The following LSAMP variants were observed in gnomAD, a reference collection of about 807,000 sequenced individuals.
The protein encoded by LSAMP is limbic system-associated membrane protein.
A neutral mutation model predicts 38.6 loss-of-function variants in LSAMP; 7 were observed. The ratio of observed to expected loss-of-function variants is 0.18; its 90% CI spans 0.10 to 0.34. The LOEUF is 0.34. Among genes scored for constraint, LSAMP ranks in the 10% least tolerant of loss-of-function variants. LSAMP has a pLI of 1.00. For synonymous variants in LSAMP, 154 were observed against 166.8 expected (o/e 0.92, Z 0.59); for missense variants, 313 against 420.0 (o/e 0.75, Z 2.23).
intron 3 of LSAMP, among the ~76,000 whole-genome samples, chr3:115,955,441 C>T (rs1006251436): frequency 1.3e-5 from 2 of 152,100 alleles, no homozygotes; most frequent in Non-Finnish European, 2.9e-5. Flanking sequence ...TGGTATTAGA[C>T]TTCATTCATT....
intron 1 of LSAMP, among the ~76,000 whole-genome samples, chr3:116,152,567 A>G (rs1709636802): frequency 6.6e-6 from 1 of 152,134 alleles, no homozygotes; most frequent in African/African-American, 2.4e-5. Context: ...TCCACTTAGG[A>G]CATTTATTGT....
At chr3:116,249,346 G>A (rs2046648278) in intron 1 of LSAMP, among the ~76,000 whole-genome samples, 1 of 151,382 alleles carries the variant, frequency 6.6e-6, no homozygotes, top group South Asian at 2.1e-4. Context: ...TATCCTGGAA[G>A]CTAGTAGTTC....
chr3:116,392,398 G>T (rs1233787526), intron 1 of LSAMP, among the ~76,000 whole-genome samples: 2 of 152,210 alleles, frequency 1.3e-5, no homozygotes, highest in African/African-American at 4.8e-5. Flanking sequence ...AAAGTCAGGG[G>T]CCAAGCCCAG....
intron 1 of LSAMP, among the ~76,000 whole-genome samples, chr3:116,396,857 C>A (rs1430822911): frequency 6.6e-6 from 1 of 152,190 alleles, no homozygotes; most frequent in Non-Finnish European, 1.5e-5. Flanking sequence ...GTTGCTCAGG[C>A]CAAAATACCT....
At chr3:116,417,228 T>C (rs1037928012) in intron 1 of LSAMP, among the ~76,000 whole-genome samples, 3 of 152,190 alleles carry the variant, frequency 2.0e-5, no homozygotes, top group Admixed American at 2.0e-4. Flanking sequence ...AAATCTGTCC[T>C]TACTACAGTG....
intron 1 of LSAMP, among the ~76,000 whole-genome samples, chr3:116,261,922 AT>A (rs1469693301): frequency 1.3e-5 from 2 of 150,204 alleles, no homozygotes; most frequent in African/African-American, 4.9e-5. Context: ...TTACATATAT[AT>A]ATCTGCATTC....
chr3:116,242,934 A>T (rs2046557620), intron 1 of LSAMP, among the ~76,000 whole-genome samples: 1 of 152,204 alleles, frequency 6.6e-6, no homozygotes, highest in Non-Finnish European at 1.5e-5. Flanking sequence ...TGAGTTAGTC[A>T]GGTCTCATCA....
intron 2 of LSAMP, among the ~76,000 whole-genome samples, chr3:116,078,277 C>CTTTATTTATTTATTTATTTATTTA (rs34346607): frequency 7.0e-4 from 105 of 150,176 alleles, no homozygotes; most frequent in Admixed American, 3.5e-3. Flanking sequence ...TTTATATCCT[C>CTTTATTTATTTATTTATTTATTTA]TTTATTTATT....
chr3:116,247,517 T>C (rs759478318), intron 1 of LSAMP, among the ~76,000 whole-genome samples: 29 of 152,218 alleles, frequency 1.9e-4, no homozygotes, highest in Non-Finnish European at 4.0e-4. Context: ...CTTACAAATA[T>C]GACATAGAAG....
At chr3:116,441,939 T>C (rs1481427548) in intron 1 of LSAMP, among the ~76,000 whole-genome samples, 1 of 152,244 alleles carries the variant, frequency 6.6e-6, no homozygotes, top group Non-Finnish European at 1.5e-5. Flanking sequence ...TTTAGTTCTT[T>C]ATATAATTTC....
In LSAMP at chr3:115,803,235, T is replaced by A. The variant is rs1356281285; in HGVS notation, c.*7082A>T. The A allele has an allele frequency of 6.6e-6, 1 of 152,208 alleles. No individual in the cohort carries two copies. Among genetic ancestry groups the A allele is most frequent in the Admixed American group, 6.5e-5 (1 of 15,280 alleles). The allele number at this position is 152,208 out of a possible 1,614,324, so 9.4% of individuals were successfully genotyped here. On this transcript the variant is annotated 3_prime_UTR_variant, in exon 7 of 7. Transcript: ENST00000490035. Reference sequence around the variant, plus strand: ...CCCATGGACAGGTCATTCTCCCACTTAGAGAGAGCTTCATAAGTAATCTAA... The same window carrying A: ...CCCATGGACAGGTCATTCTCCCACTAAGAGAGAGCTTCATAAGTAATCTAA...
intron 3 of LSAMP, among the ~76,000 whole-genome samples, chr3:115,926,942 A>C (rs1378335894): frequency 1.3e-5 from 2 of 152,180 alleles, no homozygotes; most frequent in Non-Finnish European, 2.9e-5. Context: ...TAGGCTCCAT[A>C]AGCACAGTAA....
intron 3 of LSAMP, among the ~76,000 whole-genome samples, chr3:115,908,610 T>C (rs1325792579): frequency 2.0e-5 from 3 of 152,176 alleles, no homozygotes; most frequent in Non-Finnish European, 4.4e-5. Context: ...CTGATATTTA[T>C]ATAGAACTTA....
chr3:116,269,018 T>C (rs925583446), intron 1 of LSAMP, among the ~76,000 whole-genome samples: 3 of 151,994 alleles, frequency 2.0e-5, no homozygotes, highest in African/African-American at 4.8e-5. Context: ...AGAGAAGCCC[T>C]TCTGTTGGGT....
chr3:116,339,453 C>T (rs2047964622), intron 1 of LSAMP, among the ~76,000 whole-genome samples: 1 of 151,792 alleles, frequency 6.6e-6, no homozygotes, highest in Non-Finnish European at 1.5e-5. Context: ...ATGACCGTCA[C>T]AGCCACTAAT....
At chr3:116,260,918 A>G (rs1484405845) in intron 1 of LSAMP, among the ~76,000 whole-genome samples, 1 of 152,178 alleles carries the variant, frequency 6.6e-6, no homozygotes. Context: ...GCAGGCAGAG[A>G]TAGAGCATCA....
chr3:116,019,127 T>G (rs1021655720), intron 3 of LSAMP, among the ~76,000 whole-genome samples: 91 of 144,482 alleles, frequency 6.3e-4, no homozygotes, highest in African/African-American at 2.2e-3. Flanking sequence ...ATCAAGCCAT[T>G]TAATGCTTCT....
intron 1 of LSAMP, among the ~76,000 whole-genome samples, chr3:116,390,445 T>C (rs948750057): frequency 6.6e-6 from 1 of 151,988 alleles, no homozygotes; most frequent in Non-Finnish European, 1.5e-5. Flanking sequence ...CAGAGGTTAG[T>C]TAAGGGCATT....
At chr3:115,879,247 T>C (rs983149730) in intron 3 of LSAMP, among the ~76,000 whole-genome samples, 1 of 152,136 alleles carries the variant, frequency 6.6e-6, no homozygotes, top group Non-Finnish European at 1.5e-5. Flanking sequence ...ATGACACAGA[T>C]CTACAAATGT....
Sources: allele counts gnomAD v4.1 joint callset (sites outside exome capture counted in the v4.1 genomes callset), GRCh38; gene constraint gnomAD v4.1.1; transcripts MANE v1.5; gene names NCBI Gene and HGNC (gene_info 2026-07-23, HGNC 2026-07-21).